Variants in CDK19 observed in about 807,000 individuals in gnomAD.
CDK19 encodes the protein cyclin-dependent kinase 19.
Under a neutral mutation model 68.3 loss-of-function variants are expected in CDK19, and 20 were observed. That is an observed-to-expected ratio of 0.29 (90% confidence interval 0.21 to 0.43). CDK19 has a LOEUF of 0.43. Among genes scored for constraint, CDK19 ranks in the 20% least tolerant of loss-of-function variants. The probability of loss-of-function intolerance (pLI) is 1.00; values close to 1 mark genes in which losing one functional copy is unlikely to be tolerated. For missense variants in CDK19, 339 were observed against 623.5 expected, an observed-to-expected ratio of 0.54 and a Z score of 4.86; for synonymous variants, 221 against 222.8, an observed-to-expected ratio of 0.99 and a Z score of 0.07.
At chr6:110,815,691 T>C (rs906083266), upstream of CDK19, 1 of 152,414 alleles carries the variant, frequency 6.6e-6, no homozygotes, top group Non-Finnish European at 1.5e-5. Context: ...GAAGTTCCAG[T>C]GTGCTTTCTG....
intron 2 of CDK19, among the ~76,000 whole-genome samples, chr6:110,724,519 T>C (rs1342540556): frequency 6.6e-6 from 1 of 152,142 alleles, no homozygotes; most frequent in Non-Finnish European, 1.5e-5. Context: ...TGGAGCAGAA[T>C]AGTGACACAA....
intron 1 of CDK19, among the ~76,000 whole-genome samples, chr6:110,761,728 TC>T (rs1328803453): frequency 1.3e-5 from 2 of 152,170 alleles, no homozygotes; most frequent in Non-Finnish European, 2.9e-5. Context: ...CATTTAAATT[TC>T]ACTTAAGGAT....
chr6:110,673,315 T>G (rs1278896080), intron 2 of CDK19, among the ~76,000 whole-genome samples: 2 of 152,214 alleles, frequency 1.3e-5, no homozygotes, highest in African/African-American at 2.4e-5. Context: ...TTACATCGTA[T>G]GTATAGACCA....
At chr6:110,786,356 T>C (rs1583099709) in intron 1 of CDK19, among the ~76,000 whole-genome samples, 4 of 152,320 alleles carry the variant, frequency 2.6e-5, no homozygotes, top group African/African-American at 7.2e-5. Flanking sequence ...CTTCACTCCA[T>C]CTTTTTTTCC....
chr6:110,766,767 A>C (rs1779620305), intron 1 of CDK19, among the ~76,000 whole-genome samples: 1 of 152,178 alleles, frequency 6.6e-6, no homozygotes, highest in Non-Finnish European at 1.5e-5. Context: ...TGGGAGGCTA[A>C]GGCAGGAAGA....
At chr6:110,765,794 T>A (rs1025323284) in intron 1 of CDK19, among the ~76,000 whole-genome samples, 1 of 151,624 alleles carries the variant, frequency 6.6e-6, no homozygotes, top group African/African-American at 2.4e-5. Flanking sequence ...AGGTAAATGA[T>A]CTGAATAGAC....
chr6:110,778,800 G>A (rs2115022831), intron 1 of CDK19, among the ~76,000 whole-genome samples: 1 of 152,272 alleles, frequency 6.6e-6, no homozygotes, highest in East Asian at 1.9e-4. Context: ...GAAGTCACTG[G>A]ATGAGACACT....
chr6:110,692,712 T>A (rs537625716), intron 2 of CDK19, among the ~76,000 whole-genome samples: 1 of 152,028 alleles, frequency 6.6e-6, no homozygotes, highest in Non-Finnish European at 1.5e-5. Flanking sequence ...AAAGTTAACA[T>A]GAGACTGGGC....
intron 12 of CDK19, among the ~76,000 whole-genome samples, chr6:110,617,978 A>G (rs1435434436): frequency 6.6e-6 from 1 of 151,812 alleles, no homozygotes; most frequent in Non-Finnish European, 1.5e-5. Flanking sequence ...CACCAGCACC[A>G]TGACAGTTCC....
intron 1 of CDK19, among the ~76,000 whole-genome samples, chr6:110,779,979 G>A (rs541185288): frequency 6.6e-6 from 1 of 152,158 alleles, no homozygotes; most frequent in Non-Finnish European, 1.5e-5. Context: ...CAGCACTTCA[G>A]GAGGCCGAGG....
chr6:110,672,413 A>G (rs1464617696), intron 2 of CDK19, among the ~76,000 whole-genome samples: 1 of 152,308 alleles, frequency 6.6e-6, no homozygotes, highest in East Asian at 1.9e-4. Context: ...CTAAAAAACT[A>G]CATTTTCTGT....
At chr6:110,719,634 G>A (rs1775669037) in intron 2 of CDK19, among the ~76,000 whole-genome samples, 1 of 152,052 alleles carries the variant, frequency 6.6e-6, no homozygotes, top group Admixed American at 6.6e-5. Context: ...TACAGTTAAA[G>A]GAAAATAAAA....
chr6:110,648,818 C>T (rs1034637309), intron 4 of CDK19, among the ~76,000 whole-genome samples: 2 of 151,954 alleles, frequency 1.3e-5, no homozygotes, highest in African/African-American at 4.8e-5. Context: ...CCCGGGTTCA[C>T]GCCATTCTCC....
intron 1 of CDK19, among the ~76,000 whole-genome samples, chr6:110,751,977 T>C (rs1034297214): frequency 2.0e-4 from 30 of 152,260 alleles, no homozygotes; most frequent in Non-Finnish European, 4.1e-4. Context: ...TATGTGATGA[T>C]TTGGCTTAGC....
intron 4 of CDK19, among the ~76,000 whole-genome samples, chr6:110,665,384 AGGAAG>A (rs1474675827): frequency 6.6e-6 from 1 of 152,202 alleles, no homozygotes; most frequent in Non-Finnish European, 1.5e-5. Context: ...TTTCTAGGCT[AGGAAG>A]AGGGTGGTGC....
At chr6:110,773,183 AAAAATAC>A (rs1780159778) in intron 1 of CDK19, among the ~76,000 whole-genome samples, 1 of 152,068 alleles carries the variant, frequency 6.6e-6, no homozygotes, top group Non-Finnish European at 1.5e-5. Context: ...CATCTCTAAT[AAAAATAC>A]AAAAATTAGC....
chr6:110,647,455 C>A (rs1054448185), intron 4 of CDK19, among the ~76,000 whole-genome samples: 1 of 151,930 alleles, frequency 6.6e-6, no homozygotes, highest in Non-Finnish European at 1.5e-5. Context: ...GCCTTTGGGA[C>A]GACTGGAGCA....
intron 2 of CDK19, among the ~76,000 whole-genome samples, chr6:110,702,019 T>A (rs578004430): frequency 6.6e-6 from 1 of 152,076 alleles, no homozygotes; most frequent in Non-Finnish European, 1.5e-5. Context: ...CACACACCTG[T>A]AGTCCCAGCT....
intron 4 of CDK19, among the ~76,000 whole-genome samples, chr6:110,666,420 G>C (rs1306521863): frequency 8.4e-4 from 64 of 76,610 alleles, no homozygotes; most frequent in African/African-American, 3.5e-3. Flanking sequence ...GAGAGACTCT[G>C]TCTCAAAAAA....
Sources: allele counts gnomAD v4.1 joint callset (sites outside exome capture counted in the v4.1 genomes callset), GRCh38; gene constraint gnomAD v4.1.1; transcripts MANE v1.5; gene names NCBI Gene and HGNC (gene_info 2026-07-23, HGNC 2026-07-21).